Variants in KLHL32 observed in about 807,000 individuals in gnomAD.
KLHL32 encodes kelch-like protein 32.
A neutral mutation model predicts 64.8 loss-of-function variants in KLHL32; 35 were observed. The observed-to-expected ratio is 0.54, with a 90% CI of 0.41 to 0.72. The LOEUF (loss-of-function observed/expected upper bound fraction) is 0.72, where lower values mean the gene tolerates loss of function less well. Ranked by LOEUF, KLHL32 falls within the 30% of genes least tolerant of loss-of-function variation. The pLI, the probability that KLHL32 is intolerant of heterozygous loss-of-function variation, is 0.00. For synonymous variants in KLHL32, 259 were observed against 281.0 expected (o/e 0.92, Z 0.78); for missense variants, 589 against 768.5 (o/e 0.77, Z 2.76).
intron 10 of KLHL32, among the ~76,000 whole-genome samples, chr6:97,133,068 A>C (rs1350630937): frequency 6.6e-6 from 1 of 152,208 alleles, no homozygotes. Flanking sequence ...TAGTTCCTTC[A>C]TATCCCCCAA....
chr6:96,940,438 C>G (rs7776330), intron 1 of KLHL32, among the ~76,000 whole-genome samples: 53,686 of 151,974 alleles, frequency 0.35, 10,376 homozygotes, highest in African/African-American at 0.51. Context: ...TGGTGTGATT[C>G]AAGGAGAGAG....
the KLHL32 span, among the ~76,000 whole-genome samples, chr6:96,910,883 A>G: frequency 6.6e-6 from 1 of 152,218 alleles, no homozygotes; most frequent in African/African-American, 2.4e-5. Context: ...CAGGATAATT[A>G]ATTGCCAATT....
intron 3 of KLHL32, among the ~76,000 whole-genome samples, chr6:97,009,626 G>A (rs1414772646): frequency 2.6e-5 from 4 of 152,078 alleles, no homozygotes; most frequent in Non-Finnish European, 5.9e-5. Context: ...TGTTACATAC[G>A]CTAGTTTACT....
At chr6:97,051,907 G>A (rs1737656) in intron 4 of KLHL32, among the ~76,000 whole-genome samples, 42,478 of 152,004 alleles carry the variant, frequency 0.28, 8,165 homozygotes, top group African/African-American at 0.54. Flanking sequence ...ACTCTTACTA[G>A]AAGTTCATTT....
chr6:96,981,343 A>G (rs60012822), intron 3 of KLHL32, among the ~76,000 whole-genome samples: 3,593 of 152,098 alleles, frequency 0.024, 101 homozygotes, highest in African/African-American at 0.068. Context: ...TCTTGTGCAC[A>G]TAGAGGTTTG....
intron 3 of KLHL32, among the ~76,000 whole-genome samples, chr6:96,987,091 C>T (rs998503012): frequency 6.6e-6 from 1 of 151,914 alleles, no homozygotes; most frequent in African/African-American, 2.4e-5. Context: ...CTATTTCATT[C>T]TTCTCTCTTT....
chr6:97,098,724 G>A (rs1278767514), intron 6 of KLHL32, among the ~76,000 whole-genome samples: 3 of 152,132 alleles, frequency 2.0e-5, no homozygotes, highest in African/African-American at 7.2e-5. Context: ...ATGGGATTGT[G>A]TATATATGGT....
chr6:96,960,630 A>G (rs935524323), intron 1 of KLHL32, among the ~76,000 whole-genome samples: 3 of 152,212 alleles, frequency 2.0e-5, no homozygotes, highest in Non-Finnish European at 4.4e-5. Context: ...GAAGGGATTT[A>G]TTCTGAGCCA....
chr6:96,963,574 G>A (rs1774108639), intron 1 of KLHL32, among the ~76,000 whole-genome samples: 1 of 152,114 alleles, frequency 6.6e-6, no homozygotes, highest in Admixed American at 6.5e-5. Flanking sequence ...ATATTTTGGG[G>A]TGGCTATTCT....
chr6:96,933,015 G>A (rs1238130497), intron 1 of KLHL32, among the ~76,000 whole-genome samples: 1 of 152,138 alleles, frequency 6.6e-6, no homozygotes, highest in Non-Finnish European at 1.5e-5. Flanking sequence ...ACTGCCAAGG[G>A]GTTTGCAGAT....
At chr6:97,012,536 T>C (rs1212302364) in intron 3 of KLHL32, among the ~76,000 whole-genome samples, 1 of 152,244 alleles carries the variant, frequency 6.6e-6, no homozygotes, top group African/African-American at 2.4e-5. Flanking sequence ...CTTCCAGAAC[T>C]ATAAAATAGA....
chr6:96,966,877 G>T, intron 1 of KLHL32, 119 bp from the exon 2 acceptor site: 1 of 542,942 alleles, frequency 1.8e-6, no homozygotes. Flanking sequence ...GTTTTATGTG[G>T]ACAGTAAAGC....
intron 3 of KLHL32, among the ~76,000 whole-genome samples, chr6:97,031,609 A>T (rs1268837744): frequency 6.6e-6 from 1 of 152,102 alleles, no homozygotes; most frequent in Non-Finnish European, 1.5e-5. Flanking sequence ...AAGTGGTGGG[A>T]TTATAGTCAT....
chr6:97,091,981 C>CTTTTTTTTTTTTTTTTT, intron 6 of KLHL32, among the ~76,000 whole-genome samples: 1 of 132,380 alleles, frequency 7.6e-6, no homozygotes. Flanking sequence ...CTCTTTCTTT[C>CTTTTTTTTTTTTTTTTT]TTTTTTTTTT....
rs1783248007 is a variant in KLHL32, at chr6:97,029,695, C to A, written c.205-11797C>A. On this transcript the variant is annotated intron_variant, in intron 3 of 10. Coordinates refer to ENST00000369261, the MANE Select transcript of KLHL32 (RefSeq NM_052904.4). ...TAGTCCAATTTAACTGTGATTGGGA[C>A]CCTCCTCTCCCTAATGGAAGGGAAT... 2.6e-5 allele frequency among the ~76,000 whole-genome samples: 4 copies of A among 152,108 alleles called. No homozygotes were observed. The South Asian group carries it at 8.3e-4, about 32-fold the overall frequency.
chr6:97,018,362 G>A (rs769218547), intron 3 of KLHL32, among the ~76,000 whole-genome samples: 3 of 151,904 alleles, frequency 2.0e-5, no homozygotes, highest in African/African-American at 4.8e-5. Flanking sequence ...CAAGGCAGGC[G>A]GATCGCCTGA....
chr6:97,057,172 CTTTTTTTTTTT>C (rs199552121), intron 4 of KLHL32, among the ~76,000 whole-genome samples: 8 of 64,998 alleles, frequency 1.2e-4, no homozygotes, highest in African/African-American at 2.7e-4. Flanking sequence ...ATGTGAGTAT[CTTTTTTTTTTT>C]TTTTTTTTTT....
intron 3 of KLHL32, among the ~76,000 whole-genome samples, chr6:97,023,954 G>C (rs1328885400): frequency 6.6e-6 from 1 of 152,178 alleles, no homozygotes; most frequent in Non-Finnish European, 1.5e-5. Flanking sequence ...AAAAAATATA[G>C]TCCAAGGAGC....
chr6:97,086,623 A>T (rs1793453015), intron 6 of KLHL32, among the ~76,000 whole-genome samples: 1 of 152,176 alleles, frequency 6.6e-6, no homozygotes, highest in East Asian at 1.9e-4. Context: ...TCAATATTCC[A>T]CACTGTCTTG....
Sources: allele counts gnomAD v4.1 joint callset (sites outside exome capture counted in the v4.1 genomes callset), GRCh38; gene constraint gnomAD v4.1.1; transcripts MANE v1.5; gene names NCBI Gene and HGNC (gene_info 2026-07-23, HGNC 2026-07-21).